TNPO1: variants seen among roughly 807,000 people sequenced by gnomAD.
TNPO1 encodes the protein transportin 1.
Under a neutral mutation model 119.5 loss-of-function variants are expected in TNPO1, and 8 were observed. That is an observed-to-expected ratio of 0.07 (90% CI 0.04 to 0.12). The LOEUF (loss-of-function observed/expected upper bound fraction) is 0.12. Among genes scored for constraint, TNPO1 ranks in the 10% least tolerant of loss-of-function variants. The pLI is 1.00. For missense variants in TNPO1, 576 were observed against 1,089.8 expected (o/e 0.53, Z 6.64); for synonymous variants, 362 against 363.0 (o/e 1.00, Z 0.03).
rs1245851051 is a variant in TNPO1 at position 72,910,017 on chromosome 5, G to A, written c.*1344G>A. The A allele has an allele frequency of 1.3e-5, 2 of 152,636 alleles. No homozygotes were observed. The highest frequency in any genetic ancestry group is 2.4e-5 in the African/African-American group (1 of 41,470). The allele number at this position is 152,636 out of a possible 1,614,324, so 9.5% of individuals were successfully genotyped here. ...TTGGCACATAAAGACAATTGTAGAA[G>A]TTGAAAAATGATTGCTATATTTCAA... is the stretch of plus-strand genomic sequence containing the variant. On this transcript the variant is annotated 3_prime_UTR_variant, in exon 25 of 25. Transcript: ENST00000337273.
chr5:72,868,458 A>AAAAAAAAAAAAAACAC (rs1554052270), intron 6 of TNPO1, among the ~76,000 whole-genome samples: 1 of 113,318 alleles, frequency 8.8e-6, no homozygotes, highest in Non-Finnish European at 2.1e-5. Context: ...AAAAAAAAAA[A>AAAAAAAAAAAAAACAC]ACACAAAATA....
chr5:72,823,940 CTT>C (rs1744096697), intron 1 of TNPO1, among the ~76,000 whole-genome samples: 2 of 152,190 alleles, frequency 1.3e-5, no homozygotes, highest in African/African-American at 4.8e-5. Flanking sequence ...TTCTATATCT[CTT>C]TTCCCATCCT....
intron 9 of TNPO1, among the ~76,000 whole-genome samples, chr5:72,879,407 A>C (rs1476196778): frequency 1.3e-5 from 2 of 152,250 alleles, no homozygotes; most frequent in South Asian, 2.1e-4. Context: ...TACTGCACTA[A>C]TATAATCCAA....
At chr5:72,881,187 T>C (rs1748216697) in intron 9 of TNPO1, among the ~76,000 whole-genome samples, 1 of 152,122 alleles carries the variant, frequency 6.6e-6, no homozygotes, top group South Asian at 2.1e-4. Context: ...CTCAGCTCAC[T>C]ACAAGCTCCA....
intron 4 of TNPO1, among the ~76,000 whole-genome samples, chr5:72,858,752 G>GTTCTCCTTCCTCTCC (rs1746192792): frequency 6.6e-6 from 1 of 152,036 alleles, no homozygotes; most frequent in Non-Finnish European, 1.5e-5. Context: ...CAGGAGAATG[G>GTTCTCCTTCCTCTCC]CATGAACCCG....
rs1159547728 is a variant in TNPO1 at position 72,912,117 on chromosome 5, A to G, written c.*3444A>G. 1 of 152,532 alleles carries G rather than the reference A, an allele frequency of 6.6e-6. No homozygotes were observed. Among genetic ancestry groups the G allele is most frequent in the African/African-American group, 2.4e-5 (1 of 41,454 alleles). The allele number at this position is 152,532 out of a possible 1,614,324, so 9.4% of individuals were successfully genotyped here. ...TATTTTTTGGTTGGTTATTTCCCAA[A>G]TAATCAACATGTAAATAATCTTTTA... On this transcript the variant is annotated 3_prime_UTR_variant, in exon 25 of 25. Coordinates refer to ENST00000337273, the MANE Select transcript of TNPO1 (RefSeq NM_002270.4).
intron 9 of TNPO1, chr5:72,878,606 G>C (rs1747996981): frequency 6.4e-6 from 1 of 157,442 alleles, no homozygotes. Flanking sequence ...GTATTTGGAC[G>C]GTAAGGTTAA....
chr5:72,876,984 A>G (rs1223210581), intron 8 of TNPO1, among the ~76,000 whole-genome samples: 1 of 150,958 alleles, frequency 6.6e-6, no homozygotes, highest in East Asian at 2.0e-4. Flanking sequence ...AGTCCCATCT[A>G]TTCGGGAGGC....
chr5:72,828,624 T>C (rs1363182215), intron 1 of TNPO1, among the ~76,000 whole-genome samples: 1 of 152,174 alleles, frequency 6.6e-6, no homozygotes, highest in Non-Finnish European at 1.5e-5. Flanking sequence ...AGCCAGGATA[T>C]TATCTTATGA....
chr5:72,876,993 G>A (rs1747839462), intron 8 of TNPO1, among the ~76,000 whole-genome samples: 1 of 151,502 alleles, frequency 6.6e-6, no homozygotes, highest in Non-Finnish European at 1.5e-5. Context: ...TATTCGGGAG[G>A]CTGAGGCAGG....
At chr5:72,906,175 G>A (rs115705841) in intron 24 of TNPO1, among the ~76,000 whole-genome samples, 394 of 147,346 alleles carry the variant, frequency 2.7e-3, no homozygotes, top group African/African-American at 9.4e-3. Context: ...TTCATTTCAC[G>A]TGCTTTGAAA....
At chr5:72,885,877 G>A (rs914065667) in intron 11 of TNPO1, among the ~76,000 whole-genome samples, 3 of 151,840 alleles carry the variant, frequency 2.0e-5, no homozygotes, top group African/African-American at 7.3e-5. Context: ...GATACCTGAA[G>A]TTCAGAATGG....
chr5:72,885,238 A>C (rs993140471), intron 11 of TNPO1, among the ~76,000 whole-genome samples: 2 of 152,264 alleles, frequency 1.3e-5, no homozygotes, highest in African/African-American at 4.8e-5. Flanking sequence ...CAAGGTTAGC[A>C]TAGCTAGTAC....
intron 2 of TNPO1, among the ~76,000 whole-genome samples, chr5:72,849,121 C>G (rs1393071130): frequency 1.3e-5 from 2 of 152,148 alleles, no homozygotes; most frequent in Non-Finnish European, 2.9e-5. Flanking sequence ...GTGTTAACAC[C>G]TGTTGCGAAC....
chr5:72,891,957 G>A lies in TNPO1; in HGVS notation c.1788+61G>A. On this transcript the variant is annotated intron_variant, in intron 15 of 24. Transcript: ENST00000337273. The stretch of plus-strand genomic sequence containing the variant: ...GAACACATGTTCAAATCCAAAATGG[G>A]TATATATGATAAGAAAAGTGTTAAT... 17 of 1,267,546 alleles carry A rather than the reference G, an allele frequency of 1.3e-5. No homozygotes were observed. In the South Asian group the frequency reaches 2.1e-4, roughly 16 times the overall value. 78.5% of individuals were successfully genotyped at this position (1,267,546 alleles called of 1,614,324 possible). A position where few individuals can be genotyped will look rare whatever the true frequency, so the allele number is the denominator to read the frequency against.
chr5:72,865,935 A>G (rs1322533637), intron 6 of TNPO1, among the ~76,000 whole-genome samples: 1 of 152,266 alleles, frequency 6.6e-6, no homozygotes, highest in Non-Finnish European at 1.5e-5. Flanking sequence ...TTTGTTAAAC[A>G]TGATAAAAGT....
Position 72,888,188 on chromosome 5 carries a change from C to T in TNPO1, c.1414C>T (p.Arg472Cys). Residue 472 changes from arginine (R) to cysteine (C), a missense_variant, in exon 13 of 25, where the codon CGC (arginine) becomes TGC (cysteine). By Grantham distance (180) the Arg-to-Cys change is radical. Around this residue, in one of 6 missense-constraint regions of TNPO1, gnomAD observed 310 missense variants for 583.0 expected, o/e 0.53. Coordinates refer to ENST00000337273, the MANE Select transcript of TNPO1 (RefSeq NM_002270.4). ...VRSITCWTLS[R>C]YAHWVVSQPP... The stretch of plus-strand genomic sequence containing the variant: ...TTCCATAACATGCTGGACTCTTAGC[C>T]GCTATGCACACTGGGTGGTCAGCCA... The T allele has an allele frequency of 1.9e-6, 3 of 1,614,118 alleles. No individual in the cohort carries two copies. Among genetic ancestry groups the T allele is most frequent in the South Asian group, 1.1e-5 (1 of 91,076 alleles).
intron 1 of TNPO1, among the ~76,000 whole-genome samples, chr5:72,824,537 C>G (rs1355691351): frequency 6.6e-6 from 1 of 152,200 alleles, no homozygotes; most frequent in Non-Finnish European, 1.5e-5. Flanking sequence ...TTTGACACAG[C>G]TGTTTGCTTC....
chr5:72,856,074 A>C, intron 4 of TNPO1, 151 bp downstream of exon 4: 2 of 825,492 alleles, frequency 2.4e-6, no homozygotes, highest in Non-Finnish European at 1.9e-6. Context: ...GAAATGGTGT[A>C]ATCATGGTAA....
Sources: gnomAD v4.1 joint callset for allele counts (sites outside exome capture counted in the v4.1 genomes callset) on GRCh38, gnomAD v4.1.1 for gene constraint, gnomAD v4.1.1 regional missense constraint, MANE v1.5 for transcripts, NCBI Gene and HGNC (gene_info 2026-07-23, HGNC 2026-07-21) for gene names.